Variants in SSH1 observed in about 807,000 individuals in gnomAD.
SSH1 encodes the protein protein phosphatase Slingshot homolog 1.
SSH1 carries 43 observed loss-of-function variants against 79.7 expected under a neutral mutation model. That is an observed-to-expected ratio of 0.54 (90% CI 0.42 to 0.70). The LOEUF (loss-of-function observed/expected upper bound fraction) is 0.70, where lower values mean the gene tolerates loss of function less well. Among genes scored for constraint, SSH1 ranks in the 30% least tolerant of loss-of-function variants. SSH1 has a pLI of 0.00. For synonymous variants in SSH1, 599 were observed against 538.3 expected (o/e 1.11, Z -1.56); for missense variants, 1,206 against 1,358.8 (o/e 0.89, Z 1.77).
intron 6 of SSH1, 37 bp from the exon 7 acceptor site, chr12:108,809,795 G>C (rs779994961): frequency 6.3e-7 from 1 of 1,576,426 alleles, no homozygotes; most frequent in Admixed American, 1.7e-5. Flanking sequence ...TATCTGTGGT[G>C]AGAAATCAGC....
At chr12:108,837,532 T>C (rs2038667872) in intron 2 of SSH1, among the ~76,000 whole-genome samples, 1 of 152,232 alleles carries the variant, frequency 6.6e-6, no homozygotes, top group Admixed American at 6.5e-5. Context: ...GACAAATTAC[T>C]TTCAAATGGT....
rs1328886509 is a variant in SSH1, at chr12:108,784,748, T to C, written c.*3240A>G. The stretch of plus-strand genomic sequence containing the variant: ...AATGCAAGGTGAAGATGTAGAAAAG[T>C]TCAGTCTAACTTTTGGCATGCCACA... On this transcript the variant is annotated 3_prime_UTR_variant, in exon 15 of 15. Coordinates refer to ENST00000326495, the MANE Select transcript of SSH1 (RefSeq NM_018984.4). 6.6e-6 allele frequency: 1 copy of C among 152,184 alleles called. No homozygotes were observed. The highest frequency in any genetic ancestry group is 1.5e-5 in the Non-Finnish European group (1 of 68,038). The allele number at this position is 152,184 out of a possible 1,614,324, so 9.4% of individuals were successfully genotyped here. A position where few individuals can be genotyped will look rare whatever the true frequency, so the allele number is the denominator to read the frequency against.
intron 1 of SSH1, chr12:108,852,919 G>C: frequency 1.0e-6 from 1 of 985,422 alleles, no homozygotes; most frequent in Non-Finnish European, 1.2e-6. Flanking sequence ...CCAGGGGATG[G>C]AGTCCTGTTA....
chr12:108,778,725 A>G lies in SSH1; in HGVS notation c.*9263T>C, dbSNP rs950055764. ...CAGTTTGTTCTGATCCAATTTCAAG[A>G]GCAAGAGGGAGGTCTACCACCACCA... On this transcript the variant is annotated 3_prime_UTR_variant, in exon 15 of 15. Transcript: ENST00000326495. The G allele has an allele frequency of 2.0e-5, 3 of 153,468 alleles. No homozygotes were observed. The highest frequency in any genetic ancestry group is 2.9e-5 in the Non-Finnish European group (2 of 68,218). 9.5% of individuals were successfully genotyped at this position (153,468 alleles called of 1,614,324 possible). A position where few individuals can be genotyped will look rare whatever the true frequency, so the allele number is the denominator to read the frequency against.
chr12:108,849,104 C>G (rs752779438), intron 2 of SSH1, among the ~76,000 whole-genome samples: 1 of 152,200 alleles, frequency 6.6e-6, no homozygotes, highest in African/African-American at 2.4e-5. Flanking sequence ...TACAGGATTT[C>G]CCAATTCCAA....
intron 9 of SSH1, 128 bp from the exon 10 acceptor site, chr12:108,805,312 G>C: frequency 9.8e-7 from 1 of 1,024,992 alleles, no homozygotes; most frequent in Admixed American, 2.2e-5. Context: ...CTCTTTCAGA[G>C]TAATACATTT....
rs1325742463 is a variant in SSH1, at chr12:108,779,083, C to CT, written c.*8904_*8905insA. The CT allele has an allele frequency of 1.4e-5, 2 of 142,018 alleles. No individual in the cohort carries two copies. The highest frequency in any genetic ancestry group is 5.2e-5 in the African/African-American group (2 of 38,452). The allele number at this position is 142,018 out of a possible 1,614,324, so 8.8% of individuals were successfully genotyped here. A position where few individuals can be genotyped will look rare whatever the true frequency, so the allele number is the denominator to read the frequency against. ...CCTCTCAAGGTGTTGGGATAACAGG[C>CT]GTCAAGCCACCGTGCCCAAATTTGT... is the stretch of plus-strand genomic sequence containing the variant. On this transcript the variant is annotated 3_prime_UTR_variant, in exon 15 of 15. Coordinates refer to ENST00000326495, the MANE Select transcript of SSH1 (RefSeq NM_018984.4).
At chr12:108,822,163 C>T (rs1467116819) in intron 3 of SSH1, among the ~76,000 whole-genome samples, 1 of 151,322 alleles carries the variant, frequency 6.6e-6, no homozygotes, top group Non-Finnish European at 1.5e-5. Flanking sequence ...ATAGTGAGAC[C>T]TCATTTACAT....
intron 13 of SSH1, among the ~76,000 whole-genome samples, chr12:108,797,768 T>C (rs2036817545): frequency 6.6e-6 from 1 of 152,148 alleles, no homozygotes; most frequent in Admixed American, 6.5e-5. Context: ...CTTTCATCAC[T>C]CAGTAAAATT....
chr12:108,814,435 CA>C (rs1413105017), intron 5 of SSH1, among the ~76,000 whole-genome samples: 1 of 151,504 alleles, frequency 6.6e-6, no homozygotes, highest in Non-Finnish European at 1.5e-5. Flanking sequence ...CTCAGCAGGC[CA>C]AAGGCTTCTG....
At chr12:108,816,512 A>C (rs1266952127) in intron 5 of SSH1, among the ~76,000 whole-genome samples, 2 of 152,158 alleles carry the variant, frequency 1.3e-5, no homozygotes, top group Non-Finnish European at 2.9e-5. Context: ...CTTGGCCTCC[A>C]GTTAGTGGGA....
At position 108,823,273 on chromosome 12, in the gene SSH1, G is replaced by C. The variant is rs776747076; in HGVS notation, c.199C>G (p.Pro67Ala). The C allele has an allele frequency of 1.9e-6, 3 of 1,586,668 alleles. No individual in the cohort carries two copies. In the Admixed American group the frequency reaches 5.4e-5, roughly 28 times the overall value. Residue 67 changes from proline to alanine, a missense_variant, in exon 3 of 15, where the codon CCC becomes GCC. By Grantham distance (27) the Pro-to-Ala change is conservative. Coordinates refer to ENST00000326495, the MANE Select transcript of SSH1 (RefSeq NM_018984.4). ...SPQGQRSLQH[P>A]HKHAGDLPQH... ...GAGCCCTCACCTGCATGCTTGTGGG[G>C]GTGCTGAAGACTCCGCTGGCCTTGA...
chr12:108,821,684 A>G (rs1463109009), intron 3 of SSH1, among the ~76,000 whole-genome samples: 5 of 152,196 alleles, frequency 3.3e-5, no homozygotes, highest in Non-Finnish European at 7.3e-5. Context: ...TTCAAAACAA[A>G]TACTATTTCC....
chr12:108,824,351 C>G (rs2038234371), intron 2 of SSH1, among the ~76,000 whole-genome samples: 1 of 151,590 alleles, frequency 6.6e-6, no homozygotes, highest in African/African-American at 2.4e-5. Context: ...GGCTGAGGCA[C>G]AAGAATCGCT....
chr12:108,833,238 C>A (rs1414369615), intron 2 of SSH1, among the ~76,000 whole-genome samples: 1 of 151,750 alleles, frequency 6.6e-6, no homozygotes, highest in Non-Finnish European at 1.5e-5. Context: ...TCCCTGATGA[C>A]CCCAAGAGCC....
Position 108,792,599 on chromosome 12 carries a change from C to T in SSH1, c.1580G>A (p.Gly527Asp), listed in dbSNP as rs780813705. 15 of 1,612,296 alleles carry T rather than the reference C, an allele frequency of 9.3e-6. No individual in the cohort carries two copies. Among genetic ancestry groups the T allele is most frequent in the Non-Finnish European group, 1.2e-5 (14 of 1,178,982 alleles). ...CGGATCCTCCAGGTGGACCAAGCTG[C>T]CAGTTTCATCCTCAGGGGAAGGCAG... ...PLLPSPEDET[G>D]SLVHLEDPER... Residue 527 changes from glycine to aspartate, a missense_variant, in exon 14 of 15, where the codon GGC becomes GAC. By Grantham distance (94) the Gly-to-Asp change is moderately conservative. This residue lies in a region of SSH1 where 709 missense variants were observed against 730.6 expected (regional missense o/e 0.97). Transcript: ENST00000326495.
chr12:108,856,184 A>AGCC lies in SSH1; in HGVS notation c.69+1243_69+1244insGGC, dbSNP rs1449529054. Among the ~76,000 whole-genome samples, 4 of 152,194 alleles carry AGCC rather than the reference A, an allele frequency of 2.6e-5. No homozygotes were observed. The East Asian group carries it at 7.7e-4, about 29-fold the overall frequency. On this transcript the variant is annotated intron_variant, in intron 1 of 14. Coordinates refer to ENST00000326495, the MANE Select transcript of SSH1 (RefSeq NM_018984.4). ...CTGCAGGCGGACACTCAGCCTTGTTATAGGTAAGAGTTTAGACCAGAGGCC... is the reference window on the plus strand; with the variant it reads ...CTGCAGGCGGACACTCAGCCTTGTTAGCCTAGGTAAGAGTTTAGACCAGAGGCC...
rs2036187262 is a variant in SSH1 at position 108,783,485 on chromosome 12, T to C, written c.*4503A>G. On this transcript the variant is annotated 3_prime_UTR_variant, in exon 15 of 15. Coordinates refer to ENST00000326495, the MANE Select transcript of SSH1 (RefSeq NM_018984.4). ...TAGGAAAAGAGGGAGGAAGCAGCTA[T>C]CTTCTCATGCAGCAAGGCCGACAGG... is the stretch of plus-strand genomic sequence containing the variant. The C allele has an allele frequency of 6.6e-6, 1 of 152,238 alleles. No individual in the cohort carries two copies. Among genetic ancestry groups the C allele is most frequent in the South Asian group, 2.1e-4 (1 of 4,836 alleles). The allele number at this position is 152,238 out of a possible 1,614,324, so 9.4% of individuals were successfully genotyped here.
chr12:108,849,336 T>TA (rs2038965975), intron 2 of SSH1, among the ~76,000 whole-genome samples: 1 of 152,162 alleles, frequency 6.6e-6, no homozygotes, highest in South Asian at 2.1e-4. Context: ...GAGGATCACT[T>TA]AAGCCCAAGA....
Sources: gnomAD v4.1 joint callset for allele counts (sites outside exome capture counted in the v4.1 genomes callset) on GRCh38, gnomAD v4.1.1 for gene constraint, gnomAD v4.1.1 regional missense constraint, MANE v1.5 for transcripts, NCBI Gene and HGNC (gene_info 2026-07-23, HGNC 2026-07-21) for gene names.